NOMO1: variants seen among roughly 807,000 people sequenced by gnomAD.
The protein encoded by NOMO1 is nodal modulator 3.
A neutral mutation model predicts 133.8 loss-of-function variants in NOMO1; 40 were observed. The ratio of observed to expected loss-of-function variants is 0.30; its 90% CI spans 0.23 to 0.39. The LOEUF is 0.39. NOMO1 is among the 10% of genes least tolerant of loss of function. NOMO1 has a pLI of 1.00. For missense variants in NOMO1, 462 were observed against 1,419.9 expected (o/e 0.33, Z 10.84); for synonymous variants, 236 against 570.5 (o/e 0.41, Z 8.36).
chr16:14,859,568 AC>A (rs1240638955), intron 11 of NOMO1, among the ~76,000 whole-genome samples: 1 of 151,988 alleles, frequency 6.6e-6, no homozygotes, highest in Non-Finnish European at 1.5e-5. Flanking sequence ...CCATCCCAGC[AC>A]TTTGGGAGGC....
At chr16:14,887,876 C>T (rs1330950749) in intron 28 of NOMO1, among the ~76,000 whole-genome samples, 3 of 151,276 alleles carry the variant, frequency 2.0e-5, no homozygotes, top group East Asian at 1.9e-4. Context: ...CTGCTTTGAA[C>T]GTTCTCTCTG....
intron 11 of NOMO1, among the ~76,000 whole-genome samples, chr16:14,860,194 C>A (rs1476425873): frequency 6.6e-6 from 1 of 151,866 alleles, no homozygotes; most frequent in African/African-American, 2.4e-5. Context: ...TGGTGAAACC[C>A]GGTCTGTACT....
At position 14,886,819 on chromosome 16, in the gene NOMO1, A is replaced by G. The variant is rs757621176; in HGVS notation, c.3281A>G (p.Gln1094Arg). The G allele has an allele frequency of 4.3e-6, 7 of 1,611,768 alleles. No individual in the cohort carries two copies. The highest frequency in any genetic ancestry group is 5.9e-6 in the Non-Finnish European group (7 of 1,179,832). The change falls in exon 28 of 31, where the codon CAG (glutamine) becomes CGG (arginine). Residue 1094 changes from glutamine to arginine, a missense_variant. Physicochemically the swap from Gln to Arg is conservative, Grantham distance 43 (BLOSUM62 1). Coordinates refer to ENST00000287667, the MANE Select transcript of NOMO1 (RefSeq NM_014287.4). ...DNPIQTVSLG[Q>R]SLFFHFPPLL... ...CCAATCCAGACAGTTTCCCTTGGCC[A>G]GTCCCTGTTCTTCCATTTCCCCCCA...
chr16:14,834,634 C>T (rs1042049530), intron 1 of NOMO1, among the ~76,000 whole-genome samples: 2 of 147,534 alleles, frequency 1.4e-5, no homozygotes, highest in Non-Finnish European at 3.0e-5. Flanking sequence ...GCCAGCTGCC[C>T]TGATTGCCTT....
chr16:14,887,188 G>A (rs1308035236), intron 28 of NOMO1, among the ~76,000 whole-genome samples: 1 of 152,000 alleles, frequency 6.6e-6, no homozygotes, highest in African/African-American at 2.4e-5. Flanking sequence ...AATATAAATA[G>A]ACATTTATTT....
chr16:14,869,875 T>C (rs1964057366), intron 16 of NOMO1, among the ~76,000 whole-genome samples: 1 of 144,522 alleles, frequency 6.9e-6, no homozygotes, highest in Non-Finnish European at 1.5e-5. Flanking sequence ...GCACGAGGGT[T>C]CCGGTTTCTT....
intron 26 of NOMO1, among the ~76,000 whole-genome samples, 173 bp downstream of exon 26, chr16:14,882,850 T>C (rs1964264846): frequency 6.6e-6 from 1 of 152,054 alleles, no homozygotes; most frequent in African/African-American, 2.4e-5. Context: ...TGTGGGTTTT[T>C]AATGAACAGC....
At chr16:14,866,805 G>A in intron 15 of NOMO1, 114 bp downstream of exon 15, 1 of 1,603,704 alleles carries the variant, frequency 6.2e-7, no homozygotes, top group Non-Finnish European at 8.5e-7. Flanking sequence ...TTCCTTTTCT[G>A]CCTCTCCACT....
intron 1 of NOMO1, among the ~76,000 whole-genome samples, chr16:14,837,099 CCT>C (rs1399924360): frequency 1.3e-5 from 2 of 151,824 alleles, no homozygotes; most frequent in Non-Finnish European, 2.9e-5. Context: ...CTCACCAAAG[CCT>C]CTGACTCCTG....
At chr16:14,885,044 C>G (rs940661484) in intron 27 of NOMO1, among the ~76,000 whole-genome samples, 28 of 152,072 alleles carry the variant, frequency 1.8e-4, no homozygotes, top group African/African-American at 6.3e-4. Flanking sequence ...GTGGGAGAAG[C>G]TGGAGCAAAA....
chr16:14,884,630 T>C (rs1197828689), intron 27 of NOMO1, 148 bp downstream of exon 27: 2 of 1,054,596 alleles, frequency 1.9e-6, no homozygotes, highest in East Asian at 4.9e-5. Flanking sequence ...AGGGTTGAGG[T>C]TGAGATTTAA....
At chr16:14,852,654 T>C in intron 7 of NOMO1, 72 bp downstream of exon 7, 1 of 631,172 alleles carries the variant, frequency 1.6e-6, no homozygotes, top group Non-Finnish European at 2.8e-6. Context: ...CAGAACGTAC[T>C]GTTTTAAAAA....
rs954943110 is a variant in NOMO1 at position 14,859,495 on chromosome 16, A to T, written c.1220+1840A>T. On this transcript the variant is annotated intron_variant, in intron 11 of 30. Transcript: ENST00000287667. The stretch of plus-strand genomic sequence containing the variant: ...GTTCCAGAGATGGGGCTTTCACCCT[A>T]CCAGGGAGACAGACTGAAGACAAAT... 2.8e-4 allele frequency among the ~76,000 whole-genome samples: 43 copies of T among 151,982 alleles called. 2 individuals are homozygous for T. Among genetic ancestry groups the T allele is most frequent in the African/African-American group, 9.9e-4 (41 of 41,330 alleles).
At chr16:14,886,438 G>A (rs201223684) in intron 27 of NOMO1, among the ~76,000 whole-genome samples, 12,978 of 136,662 alleles carry the variant, frequency 0.095, 743 homozygotes, top group Admixed American at 0.19. Context: ...AATATCTGGC[G>A]CCTGCCTGGC....
intron 18 of NOMO1, among the ~76,000 whole-genome samples, chr16:14,874,115 T>C (rs1367005259): frequency 6.7e-5 from 10 of 148,380 alleles, no homozygotes; most frequent in African/African-American, 1.2e-4. Flanking sequence ...GACCCCCCTC[T>C]GGGGTCACTG....
chr16:14,859,686 G>A (rs1485853069), intron 11 of NOMO1, among the ~76,000 whole-genome samples: 1 of 151,596 alleles, frequency 6.6e-6, no homozygotes, highest in Admixed American at 6.6e-5. Context: ...TCATAACCTG[G>A]TCTAAAAATA....
intron 13 of NOMO1, 91 bp from the exon 14 acceptor site, chr16:14,864,933 T>C (rs1963971436): frequency 6.3e-7 from 1 of 1,599,612 alleles, no homozygotes; most frequent in Non-Finnish European, 8.5e-7. Context: ...AGCTCAGCAG[T>C]AGCAAGAAGC....
At chr16:14,866,472 T>C (rs2151002549) in intron 14 of NOMO1, 83 bp from the exon 15 acceptor site, 1 of 1,609,324 alleles carries the variant, frequency 6.2e-7, no homozygotes, top group Admixed American at 1.7e-5. Context: ...AATTGATTAA[T>C]TCATGATCAT....
chr16:14,860,680 C>T (rs1281404982), intron 11 of NOMO1, among the ~76,000 whole-genome samples: 18 of 150,408 alleles, frequency 1.2e-4, no homozygotes, highest in South Asian at 2.1e-4. Flanking sequence ...ATGGAGGCGG[C>T]GCTGTTCACG....
Sources: gnomAD v4.1 joint callset for allele counts (sites outside exome capture counted in the v4.1 genomes callset) on GRCh38, gnomAD v4.1.1 for gene constraint, MANE v1.5 for transcripts, NCBI Gene and HGNC (gene_info 2026-07-23, HGNC 2026-07-21) for gene names.